The following KIAA1217 variants were observed in gnomAD, a reference collection of about 807,000 sequenced individuals.
KIAA1217 encodes the protein KIAA1217, also known as sickle tail protein homolog.
A neutral mutation model predicts 163.9 loss-of-function variants in KIAA1217; 88 were observed. That is an observed-to-expected ratio of 0.54 (90% CI 0.45 to 0.64). The LOEUF (loss-of-function observed/expected upper bound fraction) is 0.64. Ranked by LOEUF, KIAA1217 falls within the 30% of genes least tolerant of loss-of-function variation. The probability of loss-of-function intolerance (pLI) is 0.00; values close to 1 mark genes in which losing one functional copy is unlikely to be tolerated. For missense variants in KIAA1217, 2,372 were observed against 2,475.0 expected, an observed-to-expected ratio of 0.96 and a Z score of 0.88; for synonymous variants, 903 against 923.1, an observed-to-expected ratio of 0.98 and a Z score of 0.39.
At position 24,545,037 on chromosome 10, in the gene KIAA1217, C is replaced by G; in HGVS notation, c.5268C>G (p.Asn1756Lys). 1 of 1,614,154 alleles carries G rather than the reference C, an allele frequency of 6.2e-7. No homozygotes were observed. Among genetic ancestry groups the G allele is most frequent in the Non-Finnish European group, 8.5e-7 (1 of 1,180,024 alleles). The part of the protein sequence containing the change: ...SRMPVPMSAK[N>K]RPGTLDKPGK... ...TGCCTGTCCCCATGAGTGCCAAGAA[C>G]AGACCCGGAACCCTGGACAAACCCG... Residue 1756 changes from asparagine to lysine, a missense_variant, in exon 20 of 21, where the codon AAC (asparagine) becomes AAG (lysine). Transcript: ENST00000376454.
At chr10:23,745,620 A>G (rs1159750850) in intron 1 of KIAA1217, among the ~76,000 whole-genome samples, 2 of 152,222 alleles carry the variant, frequency 1.3e-5, no homozygotes, top group Non-Finnish European at 2.9e-5. Context: ...AGCACATTGA[A>G]AGGGAAAGAG....
At chr10:23,911,285 A>G (rs1048103361) in intron 1 of KIAA1217, among the ~76,000 whole-genome samples, 1 of 152,122 alleles carries the variant, frequency 6.6e-6, no homozygotes. Flanking sequence ...GGCCTTATTT[A>G]CTGTCTGCCT....
At chr10:24,198,956 C>T (rs139678019) in intron 2 of KIAA1217, among the ~76,000 whole-genome samples, 110 of 152,182 alleles carry the variant, frequency 7.2e-4, no homozygotes, top group African/African-American at 2.0e-3. Context: ...TGGTGGCTCA[C>T]GCCTGCAATC....
intron 2 of KIAA1217, among the ~76,000 whole-genome samples, chr10:24,061,570 G>A (rs1342739434): frequency 6.6e-6 from 1 of 152,166 alleles, no homozygotes; most frequent in Non-Finnish European, 1.5e-5. Context: ...TTGTAAGGCA[G>A]GTAAGCGGTG....
intron 5 of KIAA1217, 84 bp downstream of exon 5, chr10:24,438,563 C>G (rs3827853): frequency 0.092 from 82,929 of 901,348 alleles, 4,550 homozygotes; most frequent in East Asian, 0.16. Flanking sequence ...GTAATCAGAA[C>G]TCTACAACTG....
At chr10:24,374,874 C>T (rs77003402) in intron 2 of KIAA1217, among the ~76,000 whole-genome samples, 4,597 of 152,230 alleles carry the variant, frequency 0.03, 204 homozygotes, top group East Asian at 0.17. Flanking sequence ...GCAGCTTCAA[C>T]CTCGGGCTCA....
chr10:23,747,677 G>T (rs12253589), intron 1 of KIAA1217, among the ~76,000 whole-genome samples: 1 of 151,944 alleles, frequency 6.6e-6, no homozygotes, highest in East Asian at 1.9e-4. Context: ...ATTTAAAGAA[G>T]ATACAAAGGT....
intron 1 of KIAA1217, among the ~76,000 whole-genome samples, chr10:23,876,088 T>G (rs1003931769): frequency 6.6e-6 from 1 of 150,466 alleles, no homozygotes; most frequent in African/African-American, 2.5e-5. Flanking sequence ...CCCTAGAACT[T>G]AAAGTATAAT....
chr10:24,302,461 G>C (rs995311536), intron 2 of KIAA1217, among the ~76,000 whole-genome samples: 2 of 152,152 alleles, frequency 1.3e-5, no homozygotes, highest in Non-Finnish European at 2.9e-5. Flanking sequence ...TCTTTTATGA[G>C]TGAATTACCT....
At chr10:24,063,493 G>C (rs1175786992) in intron 2 of KIAA1217, among the ~76,000 whole-genome samples, 1 of 152,088 alleles carries the variant, frequency 6.6e-6, no homozygotes, top group Non-Finnish European at 1.5e-5. Flanking sequence ...TGTTCCATCG[G>C]TCTATATCCC....
At chr10:24,127,124 C>T (rs762359594) in intron 2 of KIAA1217, among the ~76,000 whole-genome samples, 32 of 152,112 alleles carry the variant, frequency 2.1e-4, no homozygotes, top group Non-Finnish European at 4.4e-4. Context: ...TGACCTAAAA[C>T]AAATCATATT....
intron 2 of KIAA1217, among the ~76,000 whole-genome samples, chr10:24,377,103 CAGAG>C (rs753098237): frequency 1.3e-5 from 2 of 152,146 alleles, no homozygotes; most frequent in Admixed American, 6.5e-5. Context: ...GTCTTCGTGA[CAGAG>C]AGACCCCTTC....
chr10:24,002,012 G>A (rs1274570322), intron 1 of KIAA1217, among the ~76,000 whole-genome samples: 2 of 152,176 alleles, frequency 1.3e-5, no homozygotes, highest in East Asian at 1.9e-4. Flanking sequence ...TAGTTCAGCC[G>A]TGAGTTGGGC....
chr10:24,004,781 T>C (rs1441322222), intron 1 of KIAA1217, among the ~76,000 whole-genome samples: 1 of 152,248 alleles, frequency 6.6e-6, no homozygotes, highest in African/African-American at 2.4e-5. Flanking sequence ...AGAGCAAAAC[T>C]GTAGCCATTG....
chr10:23,791,223 C>A (rs896977452), intron 1 of KIAA1217, among the ~76,000 whole-genome samples: 15 of 152,098 alleles, frequency 9.9e-5, no homozygotes, highest in African/African-American at 3.4e-4. Flanking sequence ...TCTTTGAATT[C>A]TGTTTTAAAA....
chr10:24,541,760 G>C (rs2075127135), intron 17 of KIAA1217, among the ~76,000 whole-genome samples: 1 of 152,176 alleles, frequency 6.6e-6, no homozygotes, highest in South Asian at 2.1e-4. Context: ...CTTCACTCCT[G>C]AATCTTGGTG....
In KIAA1217 at chr10:24,536,865, G is replaced by T. The variant is rs1564889377; in HGVS notation, c.3506G>T (p.Gly1169Val). Residue 1169 changes from glycine to valine, a missense_variant, in exon 17 of 21, where the codon GGC (glycine) becomes GTC (valine). Physicochemically the swap from Gly to Val is moderately radical, Grantham distance 109. Coordinates refer to ENST00000376454, the MANE Select transcript of KIAA1217 (RefSeq NM_019590.5). ...AGTCACGTTAAAGACACTAGGTCGG[G>T]CGCCACAGTGCCACCCAAGGAGAAG... ...ADSHVKDTRS[G>V]ATVPPKEKKN... 2 of 1,613,928 alleles carry T rather than the reference G, an allele frequency of 1.2e-6. No individual in the cohort carries two copies. Among genetic ancestry groups the T allele is most frequent in the African/African-American group, 2.7e-5 (2 of 74,906 alleles).
chr10:23,816,333 C>T (rs141374739), intron 1 of KIAA1217, among the ~76,000 whole-genome samples: 195 of 152,226 alleles, frequency 1.3e-3, no homozygotes, highest in Non-Finnish European at 2.3e-3. Flanking sequence ...TCCTCTGTTG[C>T]CCAGGCTGGA....
chr10:24,077,519 T>C (rs1379306023), intron 2 of KIAA1217, among the ~76,000 whole-genome samples: 2 of 152,232 alleles, frequency 1.3e-5, no homozygotes, highest in Non-Finnish European at 2.9e-5. Context: ...TCTCATTCCT[T>C]TTTATGGTGC....
Sources: gnomAD v4.1 joint callset for allele counts (sites outside exome capture counted in the v4.1 genomes callset) on GRCh38, gnomAD v4.1.1 for gene constraint, MANE v1.5 for transcripts, NCBI Gene and HGNC (gene_info 2026-07-23, HGNC 2026-07-21) for gene names.